PVT1: variants seen among roughly 807,000 people sequenced by gnomAD.
PVT1 encodes CXCR4/PVT1 fusion.
chr8:127,847,563 G>T (rs117549621), intron 2 of PVT1, among the ~76,000 whole-genome samples: 1,572 of 152,312 alleles, frequency 0.01, 11 homozygotes, highest in Non-Finnish European at 0.014. Flanking sequence ...AAAAGCAAAA[G>T]ACTGGGAGTA....
chr8:127,853,568 G>A (rs1201301688), intron 2 of PVT1, among the ~76,000 whole-genome samples: 1 of 152,126 alleles, frequency 6.6e-6, no homozygotes, highest in Non-Finnish European at 1.5e-5. Flanking sequence ...ATCACCTGAG[G>A]TCAGGAGTTC....
At chr8:127,975,734 G>C (rs1472812715) in intron 3 of PVT1, among the ~76,000 whole-genome samples, 3 of 152,136 alleles carry the variant, frequency 2.0e-5, no homozygotes, top group African/African-American at 7.2e-5. Context: ...AGCTAGGCAG[G>C]GTTTTTCTTC....
At chr8:128,040,968 CAT>C (rs1221694776) in intron 4 of PVT1, among the ~76,000 whole-genome samples, 3 of 142,156 alleles carry the variant, frequency 2.1e-5, no homozygotes, top group East Asian at 2.1e-4. Context: ...TGTTTGTGTG[CAT>C]ATGTTTGTGT....
chr8:127,962,244 C>T (rs186656537), intron 3 of PVT1, among the ~76,000 whole-genome samples: 251 of 152,310 alleles, frequency 1.6e-3, no homozygotes, highest in African/African-American at 5.7e-3. Context: ...GGATTACAGG[C>T]GTGAGCCACC....
rs558253600 is a variant in PVT1 at position 128,041,137 on chromosome 8, CATGTGTGTTTCTGCTTGT to C, written n.913-29008_913-28991del. 3.4e-3 allele frequency among the ~76,000 whole-genome samples: 493 copies of C among 146,776 alleles called. 5 individuals are homozygous for C. Among genetic ancestry groups the C allele is most frequent in the African/African-American group, 0.012 (478 of 38,814 alleles). ...GTGTATATGTTTGTGCATGTGTGTG[CATGTGTGTTTCTGCTTGT>C]ATGTGTGTTTCTGCATGTGTTTGTG... On this transcript the variant is annotated intron_variant and non_coding_transcript_variant, in intron 4 of 10. Transcript: ENST00000651587.
chr8:128,067,868 C>T (rs996649555), intron 4 of PVT1, among the ~76,000 whole-genome samples: 1 of 151,994 alleles, frequency 6.6e-6, no homozygotes, highest in Non-Finnish European at 1.5e-5. Flanking sequence ...ACTGATCATG[C>T]TGTCTTCATG....
intron 2 of PVT1, among the ~76,000 whole-genome samples, chr8:127,867,187 G>A (rs947003650): frequency 6.6e-6 from 1 of 152,238 alleles, no homozygotes; most frequent in Admixed American, 6.5e-5. Context: ...GATACTGCCT[G>A]GGCATGTGTT....
intron 3 of PVT1, among the ~76,000 whole-genome samples, chr8:127,913,920 T>C (rs1263811523): frequency 6.6e-6 from 1 of 152,092 alleles, no homozygotes; most frequent in Non-Finnish European, 1.5e-5. Flanking sequence ...TGGCTGTCTG[T>C]TCTCTCCAGG....
At chr8:127,916,221 T>G (rs749694557) in intron 3 of PVT1, among the ~76,000 whole-genome samples, 3 of 152,156 alleles carry the variant, frequency 2.0e-5, no homozygotes, top group African/African-American at 7.2e-5. Context: ...AAACACACCA[T>G]GTAGGGGCAA....
chr8:128,076,803 C>T (rs557477507), intron 5 of PVT1, among the ~76,000 whole-genome samples: 17 of 152,194 alleles, frequency 1.1e-4, no homozygotes, highest in South Asian at 2.1e-4. Context: ...TCAGAGACCA[C>T]GAGAGCCCAT....
At chr8:128,000,880 G>T (rs572667253) in intron 4 of PVT1, among the ~76,000 whole-genome samples, 1 of 152,326 alleles carries the variant, frequency 6.6e-6, no homozygotes, top group African/African-American at 2.4e-5. Context: ...CACCAAAGGG[G>T]TGTACTTGCT....
intron 3 of PVT1, among the ~76,000 whole-genome samples, chr8:127,907,499 T>A (rs1815837822): frequency 6.6e-6 from 1 of 152,234 alleles, no homozygotes; most frequent in Non-Finnish European, 1.5e-5. Context: ...TCAGCCGTGC[T>A]GGCCAGCACT....
intron 2 of PVT1, among the ~76,000 whole-genome samples, chr8:127,835,709 T>G (rs1386843105): frequency 6.6e-6 from 1 of 152,176 alleles, no homozygotes; most frequent in African/African-American, 2.4e-5. Context: ...TTCCTGTTGA[T>G]CGAGTGAATG....
At chr8:127,971,486 A>G (rs888992744) in intron 3 of PVT1, among the ~76,000 whole-genome samples, 1 of 152,242 alleles carries the variant, frequency 6.6e-6, no homozygotes, top group South Asian at 2.1e-4. Flanking sequence ...CTTCCCATGC[A>G]ATAGCTCCAG....
chr8:127,845,485 GC>G (rs1202225834), intron 2 of PVT1, among the ~76,000 whole-genome samples: 2 of 152,114 alleles, frequency 1.3e-5, no homozygotes, highest in African/African-American at 4.8e-5. Context: ...AGTATTTGAA[GC>G]ATTTGAAAGC....
chr8:128,096,588 TGAG>T (rs1814432110), exon 6 of PVT1: 1 of 151,938 alleles, frequency 6.6e-6, no homozygotes, highest in South Asian at 2.1e-4. Flanking sequence ...GCTTGGAGGC[TGAG>T]GAGTTCACTG....
chr8:127,796,235 G>A (rs573600066), intron 2 of PVT1, among the ~76,000 whole-genome samples: 1 of 151,892 alleles, frequency 6.6e-6, no homozygotes, highest in Non-Finnish European at 1.5e-5. Flanking sequence ...ATAGAAGTCC[G>A]TTTTTGTTTT....
intron 2 of PVT1, among the ~76,000 whole-genome samples, chr8:127,875,311 CTCTCTGTCTCTGTCTCTG>C (rs200288341): frequency 6.6e-6 from 1 of 151,648 alleles, no homozygotes; most frequent in Non-Finnish European, 1.5e-5. Flanking sequence ...GGTGTGTGTC[CTCTCTGTCTCTGTCTCTG>C]TCTCTGTCTC....
intron 3 of PVT1, chr8:127,947,763 G>A (rs148160661): frequency 5.3e-4 from 243 of 456,520 alleles, no homozygotes; most frequent in African/African-American, 3.8e-3. Context: ...ACAGTCCAGG[G>A]ACAAGGTTTC....
Sources: allele counts gnomAD v4.1 joint callset (sites outside exome capture counted in the v4.1 genomes callset), GRCh38; gene constraint gnomAD v4.1.1; transcripts MANE v1.5; gene names NCBI Gene and HGNC (gene_info 2026-07-23, HGNC 2026-07-21).